The following PRKN variants were observed in gnomAD, a reference collection of about 807,000 sequenced individuals.
PRKN encodes the protein parkin RBR E3 ubiquitin protein ligase.
In PRKN, 56 loss-of-function variants were observed where a neutral mutation model predicts 59.5. The ratio of observed to expected loss-of-function variants is 0.94; its 90% CI spans 0.76 to 1.18. The LOEUF (loss-of-function observed/expected upper bound fraction) is 1.18, where lower values mean the gene tolerates loss of function less well. Ranked by LOEUF, PRKN falls within the 50% of genes most tolerant of loss-of-function variation. The pLI is 0.00. For synonymous variants in PRKN, 250 were observed against 222.1 expected (o/e 1.13, Z -1.12); for missense variants, 657 against 596.4 (o/e 1.10, Z -1.06).
intron 9 of PRKN, among the ~76,000 whole-genome samples, chr6:161,493,660 G>A (rs557400320): frequency 1.3e-5 from 2 of 152,230 alleles, no homozygotes; most frequent in South Asian, 2.1e-4. Context: ...CGATGAGGGA[G>A]GGACGCTGGC....
chr6:161,902,293 G>C (rs1777946937), intron 6 of PRKN, among the ~76,000 whole-genome samples: 1 of 152,100 alleles, frequency 6.6e-6, no homozygotes, highest in South Asian at 2.1e-4. Flanking sequence ...AGGCTGCAGA[G>C]GCTCAGAAGA....
At chr6:162,040,046 G>A (rs1244661916) in intron 5 of PRKN, among the ~76,000 whole-genome samples, 1 of 152,170 alleles carries the variant, frequency 6.6e-6, no homozygotes, top group Admixed American at 6.5e-5. Flanking sequence ...CAACAGCTGA[G>A]GAGGTTTAAA....
intron 5 of PRKN, among the ~76,000 whole-genome samples, chr6:162,006,861 C>G (rs1782276758): frequency 6.6e-6 from 1 of 152,234 alleles, no homozygotes; most frequent in South Asian, 2.1e-4. Flanking sequence ...ATACTGCGCC[C>G]AATGAACCCC....
intron 7 of PRKN, among the ~76,000 whole-genome samples, chr6:161,665,061 C>T (rs932004215): frequency 2.0e-5 from 3 of 152,132 alleles, no homozygotes; most frequent in Middle Eastern, 6.3e-3. Flanking sequence ...GTTGGGATTA[C>T]AGGCGTAAGC....
intron 2 of PRKN, among the ~76,000 whole-genome samples, chr6:162,340,258 A>G (rs2128127927): frequency 6.6e-6 from 1 of 152,266 alleles, no homozygotes; most frequent in Non-Finnish European, 1.5e-5. Context: ...CAGTTTCTCT[A>G]TTTCAAGTAA....
chr6:161,589,898 G>A (rs960466593), intron 7 of PRKN, among the ~76,000 whole-genome samples: 10 of 150,166 alleles, frequency 6.7e-5, no homozygotes, highest in Non-Finnish European at 2.9e-5. Context: ...TCCTGCAGCA[G>A]CCTCACAAGT....
intron 2 of PRKN, among the ~76,000 whole-genome samples, chr6:162,414,395 G>C (rs977977707): frequency 5.3e-5 from 8 of 151,980 alleles, no homozygotes; most frequent in Non-Finnish European, 1.2e-4. Flanking sequence ...CAGGTGTTAT[G>C]ATGACCATGA....
intron 1 of PRKN, among the ~76,000 whole-genome samples, chr6:162,725,826 T>C (rs1254694743): frequency 6.6e-6 from 1 of 151,928 alleles, no homozygotes; most frequent in Non-Finnish European, 1.5e-5. Context: ...ATGCAACTAG[T>C]TGAATATTTT....
chr6:162,029,761 T>TA lies in PRKN; in HGVS notation c.618+24329dup, dbSNP rs376539694. On this transcript the variant is annotated intron_variant, in intron 5 of 11. Coordinates refer to ENST00000366898, the MANE Select transcript of PRKN (RefSeq NM_004562.3). ...TGTTGTTGTTATCATTGGAAGGTGT[T>TA]AACAACTCCTTCCTAGTATACACCA... 1.1e-3 allele frequency among the ~76,000 whole-genome samples: 172 copies of TA among 152,344 alleles called. 1 individual carries two copies. Among genetic ancestry groups the TA allele is most frequent in the African/African-American group, 4.0e-3 (166 of 41,584 alleles).
At chr6:162,124,158 G>A (rs1010301477) in intron 4 of PRKN, among the ~76,000 whole-genome samples, 1 of 152,080 alleles carries the variant, frequency 6.6e-6, no homozygotes, top group Admixed American at 6.6e-5. Context: ...ACCCAGCTCC[G>A]AGAAAAGTCC....
At position 162,153,965 on chromosome 6, in the gene PRKN, C is replaced by T. The variant is rs182615384; in HGVS notation, c.534+47166G>A. Among the ~76,000 whole-genome samples, 10 of 152,256 alleles carry T rather than the reference C, an allele frequency of 6.6e-5. No homozygotes were observed. The East Asian group carries it at 7.7e-4, about 12-fold the overall frequency. On this transcript the variant is annotated intron_variant, in intron 4 of 11. Coordinates refer to ENST00000366898, the MANE Select transcript of PRKN (RefSeq NM_004562.3). ...TCAGAAAGAAGTACTCGGGAGAGAG[C>T]GGGTAAGCAGGGGTAGAAGCTCTCA...
chr6:162,259,722 G>T (rs1478494729), intron 3 of PRKN, among the ~76,000 whole-genome samples: 1 of 151,922 alleles, frequency 6.6e-6, no homozygotes, highest in Non-Finnish European at 1.5e-5. Flanking sequence ...AAAGCTAAAT[G>T]CACAGGAGTT....
intron 3 of PRKN, among the ~76,000 whole-genome samples, chr6:162,246,066 T>C (rs1779179874): frequency 6.6e-6 from 1 of 152,178 alleles, no homozygotes; most frequent in Admixed American, 6.5e-5. Context: ...GCTTTGCGTC[T>C]ACATATCTGT....
chr6:162,266,075 T>G (rs1446920510), intron 2 of PRKN, among the ~76,000 whole-genome samples: 1 of 152,116 alleles, frequency 6.6e-6, no homozygotes, highest in Non-Finnish European at 1.5e-5. Flanking sequence ...CAGGAGCATG[T>G]GAGCTTTGCC....
intron 2 of PRKN, among the ~76,000 whole-genome samples, chr6:162,387,555 C>CAGAGAGAGAGAGAGAG (rs60548327): frequency 1.0e-5 from 1 of 95,574 alleles, no homozygotes; most frequent in Non-Finnish European, 2.1e-5. Flanking sequence ...CACACACACA[C>CAGAGAGAGAGAGAGAG]AGAGAGAGAG....
intron 1 of PRKN, among the ~76,000 whole-genome samples, chr6:162,588,921 G>A (rs531042080): frequency 1.3e-5 from 2 of 152,220 alleles, no homozygotes; most frequent in Admixed American, 6.5e-5. Context: ...CCTGGCACAC[G>A]GTGGGTGCGC....
In PRKN at chr6:161,508,567, A is replaced by G. The variant is rs9458292; in HGVS notation, c.1083+40287T>C. Among the ~76,000 whole-genome samples, 966 of 152,290 alleles carry G rather than the reference A, an allele frequency of 6.3e-3. 12 individuals carry two copies. The highest frequency in any genetic ancestry group is 0.022 in the African/African-American group (900 of 41,564). Reference sequence around the variant, plus strand: ...TCTGTCCTCAGCAGAGCAGGAAAACATTGGTCAGCTTCCTCCGTATCATGT... The same window carrying G: ...TCTGTCCTCAGCAGAGCAGGAAAACGTTGGTCAGCTTCCTCCGTATCATGT... On this transcript the variant is annotated intron_variant, in intron 9 of 11. Transcript: ENST00000366898.
At chr6:162,100,198 G>C (rs1779909617) in intron 4 of PRKN, among the ~76,000 whole-genome samples, 1 of 152,102 alleles carries the variant, frequency 6.6e-6, no homozygotes, top group Admixed American at 6.6e-5. Flanking sequence ...ACTTAGGTAG[G>C]TCCCTACCTG....
chr6:162,600,982 C>T (rs1781685986), intron 1 of PRKN, among the ~76,000 whole-genome samples: 1 of 152,126 alleles, frequency 6.6e-6, no homozygotes, highest in African/African-American at 2.4e-5. Flanking sequence ...TAGCTAGTAT[C>T]TTAGTACATT....
Sources: gnomAD v4.1 joint callset for allele counts (sites outside exome capture counted in the v4.1 genomes callset) on GRCh38, gnomAD v4.1.1 for gene constraint, MANE v1.5 for transcripts, NCBI Gene and HGNC (gene_info 2026-07-23, HGNC 2026-07-21) for gene names.